Variants in RHOBTB3 observed in about 807,000 individuals in gnomAD.
The protein encoded by RHOBTB3 is rho-related BTB domain-containing protein 3.
Under a neutral mutation model 67.2 loss-of-function variants are expected in RHOBTB3, and 47 were observed. The ratio of observed to expected loss-of-function variants is 0.70; its 90% confidence interval spans 0.55 to 0.89. The LOEUF is 0.89. Among genes scored for constraint, RHOBTB3 ranks in the 40% least tolerant of loss-of-function variants. The probability of loss-of-function intolerance (pLI) is 0.00; values close to 1 mark genes in which losing one functional copy is unlikely to be tolerated. For missense variants in RHOBTB3, 631 were observed against 750.0 expected (o/e 0.84, Z 1.85); for synonymous variants, 273 against 274.2 (o/e 1.00, Z 0.04).
At chr5:95,767,737 G>T in intron 7 of RHOBTB3, 1 of 683,872 alleles carries the variant, frequency 1.5e-6, no homozygotes, top group Non-Finnish European at 2.7e-6. Context: ...TTGGACTACT[G>T]TTGTCTGTTT....
chr5:95,781,478 G>A (rs1009755116), intron 9 of RHOBTB3: 2 of 152,254 alleles, frequency 1.3e-5, no homozygotes, highest in Non-Finnish European at 2.9e-5. Context: ...AAATGTATTT[G>A]TGTTGATTAA....
intron 8 of RHOBTB3, among the ~76,000 whole-genome samples, chr5:95,776,400 T>C (rs575082131): frequency 6.6e-6 from 1 of 152,104 alleles, no homozygotes; most frequent in African/African-American, 2.4e-5. Flanking sequence ...AGTGAGACTC[T>C]GTCTCAAAGA....
intron 4 of RHOBTB3, chr5:95,751,518 G>A (rs1745090416): frequency 6.7e-6 from 1 of 149,342 alleles, no homozygotes; most frequent in Admixed American, 6.7e-5. Context: ...TTGAAAAAGA[G>A]AACCAACAAT....
intron 8 of RHOBTB3, among the ~76,000 whole-genome samples, chr5:95,778,264 A>G (rs1416769364): frequency 1.3e-5 from 2 of 152,228 alleles, no homozygotes; most frequent in African/African-American, 4.8e-5. Flanking sequence ...ATCCTCCTGC[A>G]TACTGAAAAT....
intron 6 of RHOBTB3, among the ~76,000 whole-genome samples, chr5:95,757,092 A>G (rs1007135424): frequency 1.3e-5 from 2 of 152,040 alleles, no homozygotes; most frequent in Admixed American, 6.6e-5. Context: ...GGCTATGACT[A>G]TCATAGACGT....
intron 8 of RHOBTB3, among the ~76,000 whole-genome samples, chr5:95,771,807 C>T (rs188292837): frequency 1.4e-4 from 22 of 152,244 alleles, no homozygotes; most frequent in Admixed American, 7.8e-4. Context: ...GTGTTTGGTA[C>T]GCTCTATCCA....
intron 9 of RHOBTB3, 183 bp from the exon 10 acceptor site, chr5:95,783,614 A>T: frequency 2.8e-6 from 1 of 355,402 alleles, no homozygotes; most frequent in Non-Finnish European, 5.0e-6. Flanking sequence ...GAAAAAAAAG[A>T]TAAAATGGAA....
chr5:95,785,349 T>C (rs531443322), intron 10 of RHOBTB3, among the ~76,000 whole-genome samples: 1 of 152,300 alleles, frequency 6.6e-6, no homozygotes, highest in South Asian at 2.1e-4. Context: ...CCCAGCACTT[T>C]GGGAGGCCGA....
intron 8 of RHOBTB3, among the ~76,000 whole-genome samples, chr5:95,773,448 T>C (rs973864136): frequency 2.6e-5 from 4 of 151,286 alleles, no homozygotes; most frequent in African/African-American, 7.3e-5. Flanking sequence ...CTCCTGAGAG[T>C]TGGGGAGGGG....
chr5:95,757,115 T>C (rs1745268339), intron 6 of RHOBTB3, among the ~76,000 whole-genome samples: 1 of 152,162 alleles, frequency 6.6e-6, no homozygotes, highest in African/African-American at 2.4e-5. Context: ...CTTTTTTTTT[T>C]CCTTACTGTG....
At position 95,722,991 on chromosome 5, in the gene RHOBTB3, G is replaced by A. The variant is rs148396718; in HGVS notation, n.133+5226G>A. On this transcript the variant is annotated intron_variant and non_coding_transcript_variant, in intron 1 of 5. Transcript: ENST00000504949. The stretch of plus-strand genomic sequence containing the variant: ...TTTTAAAAACATCACTGAGCACAAT[G>A]ATAGAGGTGGGTGGATAACAGAAAT... Among the ~76,000 whole-genome samples, 884 of 152,282 alleles carry A rather than the reference G, an allele frequency of 5.8e-3. 5 individuals carry two copies. Among genetic ancestry groups the A allele is most frequent in the Middle Eastern group, 0.02 (6 of 294 alleles).
intron 6 of RHOBTB3, among the ~76,000 whole-genome samples, chr5:95,756,441 C>T (rs1429803178): frequency 6.6e-6 from 1 of 152,190 alleles, no homozygotes; most frequent in East Asian, 1.9e-4. Flanking sequence ...ACTGTTTTAG[C>T]TATTGTGAGT....
intron 10 of RHOBTB3, among the ~76,000 whole-genome samples, chr5:95,784,486 C>T (rs564106776): frequency 6.6e-6 from 1 of 152,274 alleles, no homozygotes; most frequent in Admixed American, 6.5e-5. Context: ...CTTTTGTTTT[C>T]ATGTCTCACC....
At chr5:95,787,306 A>G (rs1475139579) in intron 10 of RHOBTB3, among the ~76,000 whole-genome samples, 2 of 152,222 alleles carry the variant, frequency 1.3e-5, no homozygotes, top group African/African-American at 4.8e-5. Context: ...CATCTGCTAA[A>G]AGATAAGGGG....
At chr5:95,742,570 C>G (rs921368310) in intron 3 of RHOBTB3, among the ~76,000 whole-genome samples, 2 of 152,124 alleles carry the variant, frequency 1.3e-5, no homozygotes, top group Non-Finnish European at 2.9e-5. Context: ...TTTTATCTTT[C>G]TTTTATATTT....
In RHOBTB3 at chr5:95,718,159, C is replaced by CT. The variant is rs924151554; in HGVS notation, n.133+403dup. The stretch of plus-strand genomic sequence containing the variant: ...ACCTGAACTAAAAGATACTTTCCCT[C>CT]TTTTTTTTTCTTTTAAAAAAAGTTG... On this transcript the variant is annotated intron_variant and non_coding_transcript_variant, in intron 1 of 5. Coordinates refer to the RHOBTB3 transcript ENST00000504949. Among the ~76,000 whole-genome samples, 253 of 151,532 alleles carry CT rather than the reference C, an allele frequency of 1.7e-3. 1 individual carries two copies. Among genetic ancestry groups the CT allele is most frequent in the African/African-American group, 5.4e-3 (222 of 41,330 alleles).
chr5:95,787,365 T>C (rs1338215620), intron 10 of RHOBTB3, among the ~76,000 whole-genome samples: 1 of 152,124 alleles, frequency 6.6e-6, no homozygotes, highest in Non-Finnish European at 1.5e-5. Flanking sequence ...AACTATAAAT[T>C]TATTTCCAGT....
At chr5:95,766,635 A>G (rs941102575) in intron 7 of RHOBTB3, among the ~76,000 whole-genome samples, 6 of 151,878 alleles carry the variant, frequency 4.0e-5, no homozygotes, top group Non-Finnish European at 7.4e-5. Context: ...CAAAGCAAAG[A>G]AAAAAGGGTG....
chr5:95,733,577 T>C (rs1378822381), intron 2 of RHOBTB3, among the ~76,000 whole-genome samples: 1 of 152,192 alleles, frequency 6.6e-6, no homozygotes, highest in Non-Finnish European at 1.5e-5. Flanking sequence ...ATGGAGAAAA[T>C]AAACCTCTAT....
Sources: allele counts gnomAD v4.1 joint callset (sites outside exome capture counted in the v4.1 genomes callset), GRCh38; gene constraint gnomAD v4.1.1; transcripts MANE v1.5; gene names NCBI Gene and HGNC (gene_info 2026-07-23, HGNC 2026-07-21).